The following ATOSA variants were observed in gnomAD, a reference collection of about 807,000 sequenced individuals.
The protein encoded by ATOSA is atos homolog A.
At chr15:52,630,675 C>T in the ATOSA span, among the ~76,000 whole-genome samples, 1 of 152,142 alleles carries the variant, frequency 6.6e-6, no homozygotes, top group Non-Finnish European at 1.5e-5. Context: ...AATTACTCTC[C>T]TAGGTAAATA....
the ATOSA span, among the ~76,000 whole-genome samples, chr15:52,675,763 C>T: frequency 6.6e-6 from 1 of 152,094 alleles, no homozygotes; most frequent in Non-Finnish European, 1.5e-5. Context: ...AAAAAATTAG[C>T]CGGGCGTGGA....
chr15:52,663,989 A>G, the ATOSA span, among the ~76,000 whole-genome samples: 3 of 152,230 alleles, frequency 2.0e-5, no homozygotes, highest in Non-Finnish European at 4.4e-5. Context: ...AATTCATTGC[A>G]GAGCAAATTT....
chr15:52,694,277 C>A, the ATOSA span, among the ~76,000 whole-genome samples: 1 of 151,950 alleles, frequency 6.6e-6, no homozygotes, highest in African/African-American at 2.4e-5. Context: ...AATGATTCTC[C>A]TGCCTCAGCC....
chr15:52,648,295 A>T, the ATOSA span, among the ~76,000 whole-genome samples: 1 of 152,178 alleles, frequency 6.6e-6, no homozygotes, highest in South Asian at 2.1e-4. Context: ...TAAATAATAA[A>T]TTATACAGGC....
chr15:52,613,061 G>C, the ATOSA span, among the ~76,000 whole-genome samples: 1 of 151,990 alleles, frequency 6.6e-6, no homozygotes, highest in Non-Finnish European at 1.5e-5. Context: ...GGATGAGCCA[G>C]GGCTGAGATT....
the ATOSA span, among the ~76,000 whole-genome samples, chr15:52,606,125 T>A: frequency 6.6e-6 from 1 of 152,068 alleles, no homozygotes; most frequent in African/African-American, 2.4e-5. Flanking sequence ...GCGACTACTG[T>A]ACTCACAGGA....
chr15:52,599,793 CCCA>C, the ATOSA span, among the ~76,000 whole-genome samples: 2 of 152,146 alleles, frequency 1.3e-5, no homozygotes, highest in Non-Finnish European at 2.9e-5. Context: ...CTGCTATTAG[CCCA>C]CCACTATTTT....
the ATOSA span, among the ~76,000 whole-genome samples, chr15:52,647,840 T>C: frequency 6.6e-6 from 1 of 152,206 alleles, no homozygotes; most frequent in Non-Finnish European, 1.5e-5. Context: ...TTTTGCCTTC[T>C]ATGTCTCTTC....
At chr15:52,690,598 G>A in the ATOSA span, among the ~76,000 whole-genome samples, 16 of 152,334 alleles carry the variant, frequency 1.1e-4, no homozygotes, top group South Asian at 2.7e-3. Flanking sequence ...AAACTGTTAA[G>A]TAGAACATGG....
chr15:52,590,937 AC>A, the ATOSA span, among the ~76,000 whole-genome samples: 1 of 152,228 alleles, frequency 6.6e-6, no homozygotes, highest in Non-Finnish European at 1.5e-5. Flanking sequence ...CCTGATTTAT[AC>A]CCTTGCCAAT....
chr15:52,700,279 C>T, the ATOSA span, among the ~76,000 whole-genome samples: 3 of 152,138 alleles, frequency 2.0e-5, no homozygotes, highest in Admixed American at 6.5e-5. Flanking sequence ...TTATTGTCCA[C>T]GTGTAAAGTT....
the ATOSA span, among the ~76,000 whole-genome samples, chr15:52,589,208 A>G: frequency 6.6e-6 from 1 of 152,240 alleles, no homozygotes. Context: ...ATCTCTTACA[A>G]TCTGCCCTAC....
the ATOSA span, chr15:52,652,080 G>T: frequency 2.1e-6 from 3 of 1,436,646 alleles, no homozygotes; most frequent in Non-Finnish European, 2.7e-6. Flanking sequence ...AGCGCACATA[G>T]CAACAGCACT....
chr15:52,606,248 A>C, the ATOSA span, among the ~76,000 whole-genome samples: 885 of 152,268 alleles, frequency 5.8e-3, 9 homozygotes, highest in African/African-American at 0.019. Context: ...TGTAAATTAA[A>C]AATTATATAT....
chr15:52,609,902 A>T, the ATOSA span: 2 of 1,611,860 alleles, frequency 1.2e-6, no homozygotes, highest in Non-Finnish European at 1.7e-6. Context: ...ATTGAAAATG[A>T]TTTTAAAGTT....
the ATOSA span, among the ~76,000 whole-genome samples, chr15:52,695,590 C>T: frequency 6.6e-6 from 1 of 152,238 alleles, no homozygotes; most frequent in Non-Finnish European, 1.5e-5. Context: ...CAAAAAGAAT[C>T]TTGTCCTCGT....
chr15:52,686,836 C>T, the ATOSA span, among the ~76,000 whole-genome samples: 2 of 152,212 alleles, frequency 1.3e-5, no homozygotes, highest in Admixed American at 6.5e-5. Context: ...TCTACTGTGC[C>T]TGGCTCTGAA....
At chr15:52,584,608 G>T in the ATOSA span, 3 of 691,726 alleles carry the variant, frequency 4.3e-6, no homozygotes, top group Non-Finnish European at 7.1e-6. Flanking sequence ...TCGGCATCTT[G>T]GCACATCATC....
the ATOSA span, among the ~76,000 whole-genome samples, chr15:52,636,010 TAATA>T: frequency 1.4e-5 from 2 of 147,672 alleles, no homozygotes; most frequent in Admixed American, 6.8e-5. Flanking sequence ...CTCTGTCAAA[TAATA>T]AATAAATATA....
Sources: gnomAD v4.1 joint callset for allele counts (sites outside exome capture counted in the v4.1 genomes callset) on GRCh38, gnomAD v4.1.1 for gene constraint, MANE v1.5 for transcripts, NCBI Gene and HGNC (gene_info 2026-07-23, HGNC 2026-07-21) for gene names.